The following DGKH variants were observed in gnomAD, a reference collection of about 807,000 sequenced individuals.
DGKH encodes diacylglycerol kinase eta, also known as DAG kinase eta.
Under a neutral mutation model 159.3 loss-of-function variants are expected in DGKH, and 90 were observed. That is an observed-to-expected ratio of 0.57 (90% CI 0.48 to 0.67). DGKH has a LOEUF of 0.67. Ranked by LOEUF, DGKH falls within the 30% of genes least tolerant of loss-of-function variation. DGKH has a pLI of 0.00. For synonymous variants in DGKH, 536 were observed against 553.8 expected (o/e 0.97, Z 0.45); for missense variants, 1,181 against 1,506.1 (o/e 0.78, Z 3.57).
At position 42,232,778 on chromosome 13, in the gene DGKH, ATGTC is replaced by A. The variant is rs1222988230; in HGVS notation, c.*3592_*3595del. 6.6e-6 allele frequency: 1 copy of A among 152,204 alleles called. No individual in the cohort carries two copies. The allele number at this position is 152,204 out of a possible 1,614,324, so 9.4% of individuals were successfully genotyped here. On this transcript the variant is annotated 3_prime_UTR_variant, in exon 30 of 30. Transcript: ENST00000337343. ...CTTGCTGACAAGAAATGACCCATGA[ATGTC>A]TAGATCTATCCTGTCCAATATTGTA...
At chr13:42,201,149 C>G (rs770529176) in intron 20 of DGKH, among the ~76,000 whole-genome samples, 9 of 152,102 alleles carry the variant, frequency 5.9e-5, no homozygotes, top group Middle Eastern at 3.4e-3. Context: ...CACGCCACCA[C>G]GCCCAGCTAA....
rs1254649941 is a variant in DGKH, at chr13:42,155,590, A to G, written c.490-77A>G. On this transcript the variant is annotated intron_variant, in intron 4 of 29. Coordinates refer to ENST00000337343, the MANE Select transcript of DGKH (RefSeq NM_178009.5). ...TGGATTTGAAAATTTGACCATAACT[A>G]TATGCATTCCAAACAGTTCAGCATC... The G allele has an allele frequency of 1.0e-5, 16 of 1,598,176 alleles. No individual in the cohort carries two copies. The Admixed American group carries it at 1.2e-4, about 12-fold the overall frequency.
chr13:42,164,662 G>A (rs1342652668), intron 7 of DGKH, among the ~76,000 whole-genome samples: 1 of 152,138 alleles, frequency 6.6e-6, no homozygotes, highest in Non-Finnish European at 1.5e-5. Flanking sequence ...CCTTGTTTTT[G>A]TTCTCAGTAG....
At chr13:42,068,497 G>T (rs1199243461) in intron 1 of DGKH, among the ~76,000 whole-genome samples, 1 of 152,112 alleles carries the variant, frequency 6.6e-6, no homozygotes, top group Non-Finnish European at 1.5e-5. Flanking sequence ...GTTGCTTCTG[G>T]TATCGTGTGT....
chr13:42,047,820 C>G (rs761935794), upstream of DGKH, among the ~76,000 whole-genome samples: 43 of 152,288 alleles, frequency 2.8e-4, no homozygotes, highest in Admixed American at 5.9e-4. Context: ...TTCTTCCAGG[C>G]AATCTCGGTT....
downstream of DGKH, among the ~76,000 whole-genome samples, chr13:42,243,272 A>AT (rs970016379): frequency 9.9e-5 from 15 of 152,126 alleles, no homozygotes; most frequent in South Asian, 6.2e-4. Flanking sequence ...ACAGTATGCG[A>AT]TTTTTTTTCA....
intron 1 of DGKH, among the ~76,000 whole-genome samples, chr13:42,105,404 A>G (rs1271990117): frequency 1.3e-5 from 2 of 152,160 alleles, no homozygotes; most frequent in African/African-American, 4.8e-5. Flanking sequence ...CCACCTCCCA[A>G]CACCACCACA....
chr13:42,221,408 G>A lies in DGKH; in HGVS notation c.3573+14G>A, dbSNP rs896039444. 1.9e-6 allele frequency: 3 copies of A among 1,611,700 alleles called. No individual in the cohort carries two copies. The African/African-American group carries it at 4.0e-5, about 22-fold the overall frequency. ...CGAGATCTTAAGGTATTTCCTTTGT[G>A]CTCTTCTGTTCTTGAAAATTTTATT... On this transcript the variant is annotated intron_variant, in intron 29 of 29. Transcript: ENST00000337343.
At chr13:42,075,799 A>G (rs1223983451) in intron 1 of DGKH, among the ~76,000 whole-genome samples, 1 of 152,166 alleles carries the variant, frequency 6.6e-6, no homozygotes, top group East Asian at 1.9e-4. Context: ...TCAGACTGCT[A>G]TCTACATTTT....
intron 30 of DGKH, chr13:42,255,965 G>A (rs1594276251): frequency 6.2e-7 from 1 of 1,610,812 alleles, no homozygotes; most frequent in African/African-American, 1.3e-5. Flanking sequence ...TGACGCTCTG[G>A]TTGAGCTCAG....
chr13:42,195,997 A>G (rs59505610), intron 17 of DGKH: 18,170 of 152,284 alleles, frequency 0.12, 1,547 homozygotes, highest in East Asian at 0.4. Context: ...AGGAATCTAA[A>G]TAGACATTTT....
chr13:42,152,885 C>G (rs982925955), intron 3 of DGKH, among the ~76,000 whole-genome samples: 2 of 152,122 alleles, frequency 1.3e-5, no homozygotes, highest in Middle Eastern at 3.2e-3. Flanking sequence ...CATGGGCCAG[C>G]AGGTCCTGGG....
At chr13:42,220,927 C>G (rs772885864) in intron 28 of DGKH, among the ~76,000 whole-genome samples, 4 of 152,168 alleles carry the variant, frequency 2.6e-5, no homozygotes, top group Non-Finnish European at 5.9e-5. Context: ...AGGAAATCAT[C>G]AGAGCTTATT....
At chr13:42,041,511 C>T (rs1880505377) in intron 1 of DGKH, among the ~76,000 whole-genome samples, 2 of 152,178 alleles carry the variant, frequency 1.3e-5, no homozygotes, top group Non-Finnish European at 2.9e-5. Context: ...GCACACGCAA[C>T]GCGGAGGTTG....
At chr13:42,247,785 TAAAAAGTA>T (rs1420757622), downstream of DGKH, among the ~76,000 whole-genome samples, 2 of 152,056 alleles carry the variant, frequency 1.3e-5, no homozygotes, top group African/African-American at 4.8e-5. Context: ...TAAAAAAGTT[TAAAAAGTA>T]AAAAAGTTAA....
chr13:42,081,760 C>T (rs997715921), intron 1 of DGKH, among the ~76,000 whole-genome samples: 1 of 152,140 alleles, frequency 6.6e-6, no homozygotes, highest in Non-Finnish European at 1.5e-5. Flanking sequence ...CAGAGTTCAT[C>T]TTGCTCTCTC....
At chr13:42,143,486 C>T (rs1278819708) in intron 3 of DGKH, among the ~76,000 whole-genome samples, 1 of 152,154 alleles carries the variant, frequency 6.6e-6, no homozygotes, top group Non-Finnish European at 1.5e-5. Context: ...ACCAGCTCCT[C>T]CTTGTACCTC....
chr13:42,109,463 G>A (rs1218351702), intron 1 of DGKH, among the ~76,000 whole-genome samples: 1 of 152,180 alleles, frequency 6.6e-6, no homozygotes, highest in Non-Finnish European at 1.5e-5. Context: ...CGCAAAGGTG[G>A]AAATAAGAAC....
rs146314124 is a variant in DGKH, at chr13:42,164,352, CTG to C, written c.856-972_856-971del. ...ATTTTAAAATTACTTTTAAAGCTAT[CTG>C]TGTGTGCTAGTTTTTCTAAAATGCA... On this transcript the variant is annotated intron_variant, in intron 7 of 29. Transcript: ENST00000337343. 7.8e-3 allele frequency among the ~76,000 whole-genome samples: 1,189 copies of C among 152,270 alleles called. 16 individuals carry two copies. Among genetic ancestry groups the C allele is most frequent in the Non-Finnish European group, 0.011 (727 of 68,018 alleles).
Sources: gnomAD v4.1 joint callset for allele counts (sites outside exome capture counted in the v4.1 genomes callset) on GRCh38, gnomAD v4.1.1 for gene constraint, MANE v1.5 for transcripts, NCBI Gene and HGNC (gene_info 2026-07-23, HGNC 2026-07-21) for gene names.